The following ANO5 variants were observed in gnomAD, a reference collection of about 807,000 sequenced individuals.
The protein encoded by ANO5 is anoctamin-5.
Under a neutral mutation model 121.0 loss-of-function variants are expected in ANO5, and 109 were observed. That is an observed-to-expected ratio of 0.90 (90% CI 0.77 to 1.06). ANO5 has a LOEUF of 1.06. Ranked by LOEUF, ANO5 falls within the 50% of genes least tolerant of loss-of-function variation. The probability of loss-of-function intolerance (pLI) is 0.00; values close to 1 mark genes in which losing one functional copy is unlikely to be tolerated. For synonymous variants in ANO5, 406 were observed against 359.9 expected, an observed-to-expected ratio of 1.13 and a Z score of -1.45; for missense variants, 1,064 against 1,078.5, an observed-to-expected ratio of 0.99 and a Z score of 0.19.
chr11:22,247,442 G>A (rs1853662993), intron 9 of ANO5, among the ~76,000 whole-genome samples: 1 of 151,690 alleles, frequency 6.6e-6, no homozygotes, highest in Admixed American at 6.6e-5. Flanking sequence ...AGTAAAGGCT[G>A]TTAAAATTGT....
chr11:22,248,222 A>G (rs1027150869), intron 9 of ANO5, among the ~76,000 whole-genome samples: 1 of 152,084 alleles, frequency 6.6e-6, no homozygotes, highest in Non-Finnish European at 1.5e-5. Flanking sequence ...TCTAACACAC[A>G]TCTACCTATC....
intron 5 of ANO5, 46 bp downstream of exon 5, chr11:22,221,256 T>G (rs759395833): frequency 1.4e-6 from 2 of 1,457,144 alleles, no homozygotes; most frequent in South Asian, 1.2e-5. Context: ...AGAAGCACAT[T>G]TTATAATTTC....
In ANO5 at chr11:22,218,291, A is replaced by C. The variant is rs771225830; in HGVS notation, c.180+4A>C. The C allele has an allele frequency of 6.2e-7, 1 of 1,613,348 alleles. No homozygotes were observed. The highest frequency in any genetic ancestry group is 1.7e-5 in the Admixed American group (1 of 59,858). ...GTTCCTGAGGCGGCGGCTTATGGTA[A>C]AACCAGTGCTGAATGATGCTGCTTA... On this transcript the variant is annotated splice_donor_region_variant and intron_variant, in intron 4 of 21. Coordinates refer to ENST00000324559, the MANE Select transcript of ANO5 (RefSeq NM_213599.3).
intron 7 of ANO5, among the ~76,000 whole-genome samples, chr11:22,235,587 C>G (rs2133645141): frequency 6.6e-6 from 1 of 152,102 alleles, no homozygotes; most frequent in South Asian, 2.1e-4. Flanking sequence ...AGATAAAAAG[C>G]AGATGAGATT....
At position 22,212,142 on chromosome 11, in the gene ANO5, T is replaced by C. The variant is rs929694168; in HGVS notation, c.138+828T>C. 4.0e-5 allele frequency among the ~76,000 whole-genome samples: 6 copies of C among 151,872 alleles called. No individual in the cohort carries two copies. The South Asian group carries it at 1.0e-3, about 26-fold the overall frequency. On this transcript the variant is annotated intron_variant, in intron 3 of 21. Transcript: ENST00000324559. ...GGAAAAATATTTTCCTTTAAAACATTTACGAAAATATTTTACCACGAGAAC... is the reference window on the plus strand; with the variant it reads ...GGAAAAATATTTTCCTTTAAAACATCTACGAAAATATTTTACCACGAGAAC...
Position 22,203,867 on chromosome 11 carries a change from T to C in ANO5, c.87+17T>C, listed in dbSNP as rs2133520951. The C allele has an allele frequency of 7.0e-7, 1 of 1,418,652 alleles. No individual in the cohort carries two copies. The highest frequency in any genetic ancestry group is 9.9e-7 in the Non-Finnish European group (1 of 1,010,232). 87.9% of individuals were successfully genotyped at this position (1,418,652 alleles called of 1,614,324 possible). Reference sequence around the variant, plus strand: ...ATGAGTGAGGTAAGTTAAATATATATGCATTAACTTCCTTATAAGTCAGAA... The same window carrying C: ...ATGAGTGAGGTAAGTTAAATATATACGCATTAACTTCCTTATAAGTCAGAA... On this transcript the variant is annotated intron_variant, in intron 2 of 21. Transcript: ENST00000324559.
Position 22,280,051 on chromosome 11 carries a change from T to C in ANO5, c.*286T>C, listed in dbSNP as rs1474424077. 3 of 385,222 alleles carry C rather than the reference T, an allele frequency of 7.8e-6. No individual in the cohort carries two copies. Among genetic ancestry groups the C allele is most frequent in the Admixed American group, 8.6e-5 (2 of 23,206 alleles). 23.9% of individuals were successfully genotyped at this position (385,222 alleles called of 1,614,324 possible). A position where few individuals can be genotyped will look rare whatever the true frequency, so the allele number is the denominator to read the frequency against. The stretch of plus-strand genomic sequence containing the variant: ...GTAGAATCAGAATACTGGGAAATTA[T>C]GGAGTCTTGCAGTTTAGTAAGAAAC... On this transcript the variant is annotated 3_prime_UTR_variant, in exon 22 of 22. Transcript: ENST00000324559.
chr11:22,267,524 A>ATATATATATATATATATATATATATATAT, intron 17 of ANO5, among the ~76,000 whole-genome samples: 1 of 144,648 alleles, frequency 6.9e-6, no homozygotes, highest in East Asian at 2.1e-4. Context: ...ATATATATAT[A>ATATATATATATATATATATATATATATAT]AAATCTATCT....
intron 9 of ANO5, among the ~76,000 whole-genome samples, chr11:22,240,443 T>C (rs1853391414): frequency 6.6e-6 from 1 of 152,054 alleles, no homozygotes; most frequent in Non-Finnish European, 1.5e-5. Flanking sequence ...AGTATCTGTT[T>C]CATGAGACTG....
At chr11:22,225,029 G>A (rs1168596287) in intron 5 of ANO5, among the ~76,000 whole-genome samples, 1 of 151,556 alleles carries the variant, frequency 6.6e-6, no homozygotes, top group Admixed American at 6.6e-5. Context: ...GATAAAGGGG[G>A]AAAAACAATA....
chr11:22,255,646 T>G (rs1168909305), intron 13 of ANO5, 124 bp downstream of exon 13: 3 of 1,129,338 alleles, frequency 2.7e-6, no homozygotes, highest in Non-Finnish European at 3.9e-6. Context: ...TCACATAAAC[T>G]TCTTTACTTG....
chr11:22,278,364 T>C (rs1461558177), intron 21 of ANO5, among the ~76,000 whole-genome samples: 2 of 151,814 alleles, frequency 1.3e-5, no homozygotes, highest in African/African-American at 2.4e-5. Flanking sequence ...ATGTCTTTGA[T>C]AAATTTTTTC....
chr11:22,244,518 G>T (rs1296060883), intron 9 of ANO5, among the ~76,000 whole-genome samples: 1 of 151,356 alleles, frequency 6.6e-6, no homozygotes, highest in Non-Finnish European at 1.5e-5. Context: ...TCTCAGGAAT[G>T]CCAATAAGTC....
intron 1 of ANO5, among the ~76,000 whole-genome samples, chr11:22,202,452 A>AT (rs200031756): frequency 1.5e-5 from 1 of 64,664 alleles, no homozygotes; most frequent in Non-Finnish European, 4.2e-5. Context: ...CAAATGGTAG[A>AT]TTTTTTAAAT....
At chr11:22,237,075 T>C (rs1445898723) in intron 8 of ANO5, among the ~76,000 whole-genome samples, 3 of 152,198 alleles carry the variant, frequency 2.0e-5, no homozygotes, top group Non-Finnish European at 4.4e-5. Context: ...GTGGAAATCC[T>C]GGGGCTGAAT....
At chr11:22,243,923 T>C (rs1273321672) in intron 9 of ANO5, among the ~76,000 whole-genome samples, 1 of 23,598 alleles carries the variant, frequency 4.2e-5, no homozygotes, top group Non-Finnish European at 2.7e-4. Flanking sequence ...TTAGTATTGA[T>C]ATGTGAGATT....
intron 13 of ANO5, 87 bp from the exon 14 acceptor site, chr11:22,257,593 A>G (rs1854043736): frequency 2.7e-6 from 3 of 1,103,634 alleles, no homozygotes; most frequent in Admixed American, 1.8e-5. Flanking sequence ...TCCTACTTTA[A>G]CTGGGCTCTG....
chr11:22,240,878 A>G (rs934608853), intron 9 of ANO5, among the ~76,000 whole-genome samples: 5 of 152,094 alleles, frequency 3.3e-5, no homozygotes, highest in African/African-American at 7.2e-5. Context: ...TATTCACTAA[A>G]TAGTATATTA....
chr11:22,251,805 T>C (rs1428214382), intron 12 of ANO5, among the ~76,000 whole-genome samples: 2 of 151,200 alleles, frequency 1.3e-5, no homozygotes, highest in Non-Finnish European at 2.9e-5. Flanking sequence ...GGTGGGCAGA[T>C]CACGAGGTCA....
Sources: allele counts gnomAD v4.1 joint callset (sites outside exome capture counted in the v4.1 genomes callset), GRCh38; gene constraint gnomAD v4.1.1; transcripts MANE v1.5; gene names NCBI Gene and HGNC (gene_info 2026-07-23, HGNC 2026-07-21).